RHBDD1: variants seen among roughly 807,000 people sequenced by gnomAD.
RHBDD1 encodes the protein rhomboid-related protein 4.
A neutral mutation model predicts 36.3 loss-of-function variants in RHBDD1; 38 were observed. The observed-to-expected ratio is 1.05, with a 90% CI of 0.81 to 1.37. RHBDD1 has a LOEUF of 1.37. Among genes scored for constraint, RHBDD1 ranks in the 40% most tolerant of loss-of-function variants. RHBDD1 has a pLI of 0.00. For missense variants in RHBDD1, 393 were observed against 377.6 expected, an observed-to-expected ratio of 1.04 and a Z score of -0.34; for synonymous variants, 151 against 136.5, an observed-to-expected ratio of 1.11 and a Z score of -0.74.
chr2:226,867,723 A>C lies in RHBDD1; in HGVS notation c.566+405A>C, dbSNP rs905168671. The C allele has an allele frequency of 1.7e-5, 15 of 896,130 alleles. No homozygotes were observed. The East Asian group carries it at 4.8e-4, about 29-fold the overall frequency. The allele number at this position is 896,130 out of a possible 1,614,324, so 55.5% of individuals were successfully genotyped here. On this transcript the variant is annotated intron_variant, in intron 5 of 8. Transcript: ENST00000392062. The stretch of plus-strand genomic sequence containing the variant: ...TCTAATGCTTTTTATTATTATTATT[A>C]TTCTTTTTTTTTTGAGATGGAGTCT...
At chr2:226,925,902 C>A (rs1949634667) in intron 8 of RHBDD1, among the ~76,000 whole-genome samples, 1 of 151,758 alleles carries the variant, frequency 6.6e-6, no homozygotes, top group Non-Finnish European at 1.5e-5. Flanking sequence ...GCAGTATTTC[C>A]CAAATTTATT....
Position 226,971,379 on chromosome 2 carries a change from C to G in RHBDD1, c.857-24052C>G, listed in dbSNP as rs145466987. ...GTCTGAACCCTTAGCGGGCTCATTT[C>G]CTTTGCACTGTCATCACAGTGAAGC... On this transcript the variant is annotated intron_variant, in intron 8 of 8. Coordinates refer to ENST00000392062, the MANE Select transcript of RHBDD1 (RefSeq NM_001167608.3). 2.0e-4 allele frequency among the ~76,000 whole-genome samples: 31 copies of G among 152,324 alleles called. No homozygotes were observed. The East Asian group carries it at 6.0e-3, about 29-fold the overall frequency.
In RHBDD1 at chr2:226,845,996, T is replaced by C. The variant is rs150488710; in HGVS notation, c.-91+6369T>C. On this transcript the variant is annotated intron_variant, in intron 3 of 8. Transcript: ENST00000392062. ...CTGAAAGTGAAACATGCACAATGAA[T>C]GTAAATGCAATTTGTTCATTGAGCT... Among the ~76,000 whole-genome samples the C allele has an allele frequency of 2.8e-3, 424 of 152,356 alleles. 2 individuals carry two copies. Among genetic ancestry groups the C allele is most frequent in the African/African-American group, 9.5e-3 (397 of 41,576 alleles).
chr2:226,972,133 G>A (rs1164818217), intron 8 of RHBDD1, among the ~76,000 whole-genome samples: 1 of 152,212 alleles, frequency 6.6e-6, no homozygotes, highest in East Asian at 1.9e-4. Flanking sequence ...CTGTATCCAT[G>A]TGTTCTCATT....
At chr2:226,883,913 C>A (rs377355830) in intron 5 of RHBDD1, among the ~76,000 whole-genome samples, 2 of 152,180 alleles carry the variant, frequency 1.3e-5, no homozygotes, top group African/African-American at 4.8e-5. Flanking sequence ...ATTATTTTGA[C>A]TCGATTTTTT....
chr2:226,891,060 T>G (rs1453327435), intron 5 of RHBDD1, among the ~76,000 whole-genome samples: 2 of 152,190 alleles, frequency 1.3e-5, no homozygotes, highest in Admixed American at 1.3e-4. Context: ...ACAAATGATC[T>G]CAAATCCAGT....
At chr2:226,995,098 TAAAA>T (rs925907070) in intron 8 of RHBDD1, among the ~76,000 whole-genome samples, 1 of 139,320 alleles carries the variant, frequency 7.2e-6, no homozygotes, top group African/African-American at 2.6e-5. Context: ...TATATGGGCA[TAAAA>T]AAAAAAAGAC....
At chr2:226,957,007 G>A (rs1361001371) in intron 8 of RHBDD1, among the ~76,000 whole-genome samples, 1 of 152,206 alleles carries the variant, frequency 6.6e-6, no homozygotes, top group Middle Eastern at 3.2e-3. Flanking sequence ...TTGATTGGTG[G>A]TCTCAATGAG....
intron 8 of RHBDD1, among the ~76,000 whole-genome samples, chr2:226,963,142 C>G (rs1952346520): frequency 6.6e-6 from 1 of 151,084 alleles, no homozygotes; most frequent in African/African-American, 2.4e-5. Context: ...GGAGCAAAAT[C>G]ACCCCTGGTT....
At chr2:226,933,754 T>C (rs1434647282) in intron 8 of RHBDD1, among the ~76,000 whole-genome samples, 2 of 152,156 alleles carry the variant, frequency 1.3e-5, no homozygotes, top group Non-Finnish European at 2.9e-5. Context: ...TTATGTTTTT[T>C]ATAAGGATGA....
At chr2:226,966,878 T>G (rs1375583444) in intron 8 of RHBDD1, among the ~76,000 whole-genome samples, 1 of 151,280 alleles carries the variant, frequency 6.6e-6, no homozygotes, top group Non-Finnish European at 1.5e-5. Context: ...GGGTGGGTTG[T>G]GGGGAGGTTG....
the RHBDD1 span, among the ~76,000 whole-genome samples, chr2:226,801,957 A>G: frequency 6.6e-6 from 1 of 152,146 alleles, no homozygotes; most frequent in Admixed American, 6.5e-5. Context: ...ATTTTGTAAG[A>G]CAACAAATCA....
upstream of RHBDD1, among the ~76,000 whole-genome samples, chr2:226,834,942 A>C (rs1168510961): frequency 6.6e-6 from 1 of 152,036 alleles, no homozygotes; most frequent in South Asian, 2.1e-4. Context: ...TGCCTGGCTA[A>C]TTTTTGTATT....
intron 5 of RHBDD1, among the ~76,000 whole-genome samples, chr2:226,888,770 T>G (rs1323845765): frequency 6.6e-6 from 1 of 152,218 alleles, no homozygotes; most frequent in Non-Finnish European, 1.5e-5. Flanking sequence ...ATCATTATTG[T>G]TATGTCTACA....
At chr2:226,965,602 A>T (rs1432857166) in intron 8 of RHBDD1, among the ~76,000 whole-genome samples, 1 of 152,150 alleles carries the variant, frequency 6.6e-6, no homozygotes, top group East Asian at 1.9e-4. Flanking sequence ...TGCAATTGTG[A>T]GAGAGAGAAG....
intron 8 of RHBDD1, among the ~76,000 whole-genome samples, chr2:226,964,864 G>C (rs890311513): frequency 2.0e-5 from 3 of 152,216 alleles, no homozygotes; most frequent in African/African-American, 7.2e-5. Context: ...AGGTCACACA[G>C]GGCCTTTTAG....
chr2:226,849,541 C>G (rs148984285), intron 3 of RHBDD1, among the ~76,000 whole-genome samples: 1,601 of 152,298 alleles, frequency 0.011, 25 homozygotes, highest in African/African-American at 0.036. Context: ...ATCCCCTTGC[C>G]CTTAGGGGGC....
At chr2:226,941,258 G>A (rs181329979) in intron 8 of RHBDD1, among the ~76,000 whole-genome samples, 2 of 152,234 alleles carry the variant, frequency 1.3e-5, no homozygotes, top group East Asian at 1.9e-4. Context: ...GAGCCACCCC[G>A]ACCGGCCTGG....
At chr2:226,937,914 T>C (rs1046382337) in intron 8 of RHBDD1, among the ~76,000 whole-genome samples, 3 of 152,202 alleles carry the variant, frequency 2.0e-5, no homozygotes, top group Admixed American at 6.5e-5. Context: ...CACGTGCATG[T>C]GTTTTTATAA....
Sources: allele counts gnomAD v4.1 joint callset (sites outside exome capture counted in the v4.1 genomes callset), GRCh38; gene constraint gnomAD v4.1.1; transcripts MANE v1.5; gene names NCBI Gene and HGNC (gene_info 2026-07-23, HGNC 2026-07-21).